Variants in PTTG1IP2 observed in about 807,000 individuals in gnomAD.
PTTG1IP2 encodes PTTG1IP family member 2.
intron 2 of PTTG1IP2, among the ~76,000 whole-genome samples, chr7:90,480,621 G>A (rs1020946250): frequency 3.3e-5 from 5 of 151,910 alleles, no homozygotes; most frequent in Non-Finnish European, 7.4e-5. Flanking sequence ...AATATTACAA[G>A]TTCATCCATG....
chr7:90,470,790 T>A (rs970089947), intron 1 of PTTG1IP2, among the ~76,000 whole-genome samples: 2 of 152,050 alleles, frequency 1.3e-5, no homozygotes, highest in African/African-American at 4.8e-5. Context: ...CCTCTATACA[T>A]ACTCTAAGAG....
intron 6 of PTTG1IP2, among the ~76,000 whole-genome samples, chr7:90,498,445 A>G (rs1798022632): frequency 6.6e-6 from 1 of 152,222 alleles, no homozygotes; most frequent in Admixed American, 6.5e-5. Context: ...CTTTAAGGAC[A>G]CACATAAACT....
At chr7:90,497,290 C>T (rs906205163) in intron 6 of PTTG1IP2, among the ~76,000 whole-genome samples, 5 of 151,946 alleles carry the variant, frequency 3.3e-5, no homozygotes, top group Non-Finnish European at 7.4e-5. Context: ...TAAGGCCGGG[C>T]GCAGTGGCTC....
intron 6 of PTTG1IP2, among the ~76,000 whole-genome samples, chr7:90,497,357 G>A (rs954713511): frequency 3.3e-5 from 5 of 152,198 alleles, no homozygotes; most frequent in Admixed American, 2.0e-4. Flanking sequence ...GAGGTCAGGA[G>A]ATCGAGACCA....
At chr7:90,503,761 A>G (rs1381756688) in intron 6 of PTTG1IP2, among the ~76,000 whole-genome samples, 2 of 152,218 alleles carry the variant, frequency 1.3e-5, no homozygotes, top group Non-Finnish European at 2.9e-5. Context: ...TAGTAACATC[A>G]AAGATCATCA....
intron 6 of PTTG1IP2, among the ~76,000 whole-genome samples, chr7:90,506,135 C>T (rs990011402): frequency 6.6e-6 from 1 of 151,540 alleles, no homozygotes; most frequent in African/African-American, 2.4e-5. Flanking sequence ...TCTGGGAGCT[C>T]TAGAAACCCT....
intron 2 of PTTG1IP2, among the ~76,000 whole-genome samples, chr7:90,483,433 A>G (rs1797835557): frequency 6.6e-6 from 1 of 152,222 alleles, no homozygotes; most frequent in Non-Finnish European, 1.5e-5. Flanking sequence ...ACACATGCAC[A>G]TTCACAAACT....
At chr7:90,483,905 C>A (rs1302515747) in intron 2 of PTTG1IP2, among the ~76,000 whole-genome samples, 1 of 152,134 alleles carries the variant, frequency 6.6e-6, no homozygotes, top group Non-Finnish European at 1.5e-5. Context: ...ACTCTTGTGC[C>A]ACATCTTTCA....
intron 4 of PTTG1IP2, among the ~76,000 whole-genome samples, chr7:90,489,876 A>C (rs1256671160): frequency 6.6e-6 from 1 of 151,950 alleles, no homozygotes; most frequent in Non-Finnish European, 1.5e-5. Flanking sequence ...AGCTTACTTC[A>C]TGTTACTTAA....
At chr7:90,485,529 A>G (rs574297765) in intron 2 of PTTG1IP2, among the ~76,000 whole-genome samples, 1 of 152,276 alleles carries the variant, frequency 6.6e-6, no homozygotes, top group East Asian at 1.9e-4. Flanking sequence ...AAACACTCCT[A>G]TTTAGAAGGA....
intron 5 of PTTG1IP2, among the ~76,000 whole-genome samples, chr7:90,492,994 C>T (rs1021215718): frequency 2.0e-5 from 3 of 152,176 alleles, no homozygotes; most frequent in African/African-American, 7.2e-5. Context: ...ATCCTCTACC[C>T]AGGTCTGGAT....
intron 1 of PTTG1IP2, 23 bp downstream of exon 1, chr7:90,469,954 G>A (rs540631953): frequency 1.3e-5 from 2 of 152,748 alleles, no homozygotes; most frequent in Admixed American, 1.3e-4. Context: ...GAGTCCTGAG[G>A]TGGGTGCCCC....
At chr7:90,483,831 C>T (rs540523550) in intron 2 of PTTG1IP2, among the ~76,000 whole-genome samples, 7 of 152,228 alleles carry the variant, frequency 4.6e-5, no homozygotes, top group Non-Finnish European at 7.4e-5. Context: ...GAGCACATTC[C>T]TAATTCCTAA....
intron 2 of PTTG1IP2, among the ~76,000 whole-genome samples, chr7:90,483,459 T>C (rs529661177): frequency 6.6e-6 from 1 of 152,306 alleles, no homozygotes; most frequent in East Asian, 1.9e-4. Context: ...CCTTTCTCAT[T>C]TCCTTGTTCC....
At chr7:90,505,839 C>T (rs1038584316) in intron 6 of PTTG1IP2, among the ~76,000 whole-genome samples, 1 of 151,720 alleles carries the variant, frequency 6.6e-6, no homozygotes, top group African/African-American at 2.4e-5. Flanking sequence ...AAAAAATTAG[C>T]CGGGCGCGGT....
At chr7:90,485,202 A>G (rs1286159145) in intron 2 of PTTG1IP2, among the ~76,000 whole-genome samples, 1 of 152,180 alleles carries the variant, frequency 6.6e-6, no homozygotes, top group Non-Finnish European at 1.5e-5. Context: ...TTAAAAATAA[A>G]CGACCTCAGT....
At chr7:90,474,184 C>A (rs1016908675) in intron 1 of PTTG1IP2, among the ~76,000 whole-genome samples, 3 of 152,122 alleles carry the variant, frequency 2.0e-5, no homozygotes, top group African/African-American at 7.2e-5. Flanking sequence ...ATACTGCAGG[C>A]AATTGTAACA....
chr7:90,502,451 T>C (rs1798070734), intron 6 of PTTG1IP2, among the ~76,000 whole-genome samples: 1 of 152,220 alleles, frequency 6.6e-6, no homozygotes, highest in Non-Finnish European at 1.5e-5. Flanking sequence ...GGTGGATTCT[T>C]TCCAGAAGGT....
chr7:90,489,758 A>G (rs1797918088), intron 4 of PTTG1IP2, among the ~76,000 whole-genome samples: 2 of 151,988 alleles, frequency 1.3e-5, no homozygotes, highest in Admixed American at 6.5e-5. Flanking sequence ...AGTAGGAAAT[A>G]TAATTCTATG....
Sources: allele counts gnomAD v4.1 joint callset (sites outside exome capture counted in the v4.1 genomes callset), GRCh38; gene constraint gnomAD v4.1.1; transcripts MANE v1.5; gene names NCBI Gene and HGNC (gene_info 2026-07-23, HGNC 2026-07-21).